Variants in MAN1C1 observed in about 807,000 individuals in gnomAD.
MAN1C1 encodes the protein mannosidase alpha class 1C member 1.
A neutral mutation model predicts 71.5 loss-of-function variants in MAN1C1; 49 were observed. That is an observed-to-expected ratio of 0.69 (90% CI 0.54 to 0.87). The LOEUF (loss-of-function observed/expected upper bound fraction) is 0.87. Ranked by LOEUF, MAN1C1 falls within the 40% of genes least tolerant of loss-of-function variation. MAN1C1 has a pLI of 0.00. For synonymous variants in MAN1C1, 352 were observed against 343.7 expected (o/e 1.02, Z -0.27); for missense variants, 743 against 835.0 (o/e 0.89, Z 1.36).
chr1:25,693,751 T>C (rs2046336327), intron 2 of MAN1C1, among the ~76,000 whole-genome samples: 1 of 152,210 alleles, frequency 6.6e-6, no homozygotes, highest in African/African-American at 2.4e-5. Context: ...GAGAGGAGAA[T>C]GGATTTGAGA....
At position 25,618,199 on chromosome 1, in the gene MAN1C1, CG is replaced by C; in HGVS notation, c.406del (p.Asp136ThrfsTer46). Reference protein sequence around the residue: ...RGNSIPASRPGDEGVPFRFDF... With the variant: ...RGNSIPASRPXDEGVPFRFDF... ...GCAATAGCATCCCGGCCTCCAGGCC[CG>C]GGGACGAGGGCGTCCCTTTCCGCTT... On this transcript the variant is annotated frameshift_variant, in exon 1 of 12. Coordinates refer to ENST00000374332, the MANE Select transcript of MAN1C1 (RefSeq NM_020379.4). LOFTEE classifies it high-confidence loss of function. 1 of 1,586,178 alleles carries C rather than the reference CG, an allele frequency of 6.3e-7. No homozygotes were observed.
At chr1:25,621,619 T>TTGTTTG (rs1410257513) in intron 1 of MAN1C1, among the ~76,000 whole-genome samples, 2 of 151,844 alleles carry the variant, frequency 1.3e-5, no homozygotes, top group Non-Finnish European at 2.9e-5. Context: ...GTTGTTTTTT[T>TTGTTTG]TGTTTGTGTT....
intron 2 of MAN1C1, 120 bp downstream of exon 2, chr1:25,686,656 T>G: frequency 2.6e-6 from 2 of 767,272 alleles, no homozygotes; most frequent in Middle Eastern, 2.9e-4. Context: ...GTTCTCCAGA[T>G]CTGGGGCCTT....
At chr1:25,756,484 G>A (rs1224214848) in intron 5 of MAN1C1, among the ~76,000 whole-genome samples, 2 of 152,198 alleles carry the variant, frequency 1.3e-5, no homozygotes, top group African/African-American at 2.4e-5. Context: ...ACAAAAGACT[G>A]TTGGAGGGCT....
At chr1:25,618,433 T>A in intron 1 of MAN1C1, 96 bp downstream of exon 1, 7 of 1,246,212 alleles carry the variant, frequency 5.6e-6, no homozygotes, top group South Asian at 2.8e-5. Flanking sequence ...CCTCAGTCAC[T>A]CCTGGTCCCA....
At chr1:25,668,139 A>G (rs986784459) in intron 1 of MAN1C1, among the ~76,000 whole-genome samples, 1 of 152,206 alleles carries the variant, frequency 6.6e-6, no homozygotes, top group African/African-American at 2.4e-5. Context: ...GAACAAAGAA[A>G]AGCCGAATGC....
intron 5 of MAN1C1, among the ~76,000 whole-genome samples, chr1:25,755,151 G>A (rs1373770955): frequency 2.0e-5 from 3 of 152,206 alleles, no homozygotes; most frequent in Admixed American, 2.0e-4. Flanking sequence ...TACTCGTCAG[G>A]GTGGGAAGGA....
At chr1:25,675,084 G>C (rs2046045638) in intron 1 of MAN1C1, among the ~76,000 whole-genome samples, 1 of 152,226 alleles carries the variant, frequency 6.6e-6, no homozygotes, top group South Asian at 2.1e-4. Flanking sequence ...TTGATTGATT[G>C]ATTCATTTTA....
At chr1:25,622,456 C>T (rs12089971) in intron 1 of MAN1C1, among the ~76,000 whole-genome samples, 25,738 of 152,140 alleles carry the variant, frequency 0.17, 5,466 homozygotes, top group African/African-American at 0.49. Flanking sequence ...ATTAAAGATC[C>T]ATAAACTAAC....
rs139853712 is a variant in MAN1C1, at chr1:25,694,715, G to A, written c.637+8179G>A. On this transcript the variant is annotated intron_variant, in intron 2 of 11. Transcript: ENST00000374332. ...GGTGGGTCTTTTTGTCGGGGTGAGA[G>A]TTACTCCACCAGTGTGGCTGCCTTG... 3.9e-4 allele frequency among the ~76,000 whole-genome samples: 60 copies of A among 152,312 alleles called. 2 individuals are homozygous for A. The East Asian group carries it at 0.011, about 29-fold the overall frequency.
intron 2 of MAN1C1, among the ~76,000 whole-genome samples, chr1:25,714,511 T>G (rs561094010): frequency 6.6e-6 from 1 of 152,292 alleles, no homozygotes; most frequent in Non-Finnish European, 1.5e-5. Flanking sequence ...GCATTGATTT[T>G]TGTAGCTGAA....
chr1:25,705,242 G>A (rs543486659), intron 2 of MAN1C1, among the ~76,000 whole-genome samples: 29 of 152,196 alleles, frequency 1.9e-4, no homozygotes, highest in Non-Finnish European at 3.5e-4. Context: ...CAGATGAACA[G>A]ATATAAATCT....
chr1:25,680,059 T>G (rs750512229), intron 1 of MAN1C1, among the ~76,000 whole-genome samples: 5 of 151,372 alleles, frequency 3.3e-5, no homozygotes, highest in Non-Finnish European at 5.9e-5. Context: ...AGTATAAATT[T>G]TAGTCATTTT....
chr1:25,630,240 T>G (rs758438762), intron 1 of MAN1C1, among the ~76,000 whole-genome samples: 3 of 152,190 alleles, frequency 2.0e-5, no homozygotes, highest in Non-Finnish European at 4.4e-5. Flanking sequence ...GGTTCTCTAT[T>G]CTTTTCCATG....
At chr1:25,644,493 G>C (rs2045582491) in intron 1 of MAN1C1, 6 of 119,106 alleles carry the variant, frequency 5.0e-5, no homozygotes, top group Admixed American at 4.4e-4. Flanking sequence ...AATGGTACCA[G>C]AGACATATAT....
chr1:25,740,913 C>T (rs1221476238), intron 2 of MAN1C1, among the ~76,000 whole-genome samples: 1 of 151,834 alleles, frequency 6.6e-6, no homozygotes, highest in East Asian at 1.9e-4. Context: ...GAGATGTGGG[C>T]AGTGTCTGGA....
chr1:25,750,735 C>T lies in MAN1C1; in HGVS notation c.834+1400C>T, dbSNP rs151025444. On this transcript the variant is annotated intron_variant, in intron 4 of 11. Coordinates refer to ENST00000374332, the MANE Select transcript of MAN1C1 (RefSeq NM_020379.4). The stretch of plus-strand genomic sequence containing the variant: ...TGGAAGCCCTCGGCTTTGAGCCACC[C>T]GGAGCCTGAATTTCATTTGAAAACT... Among the ~76,000 whole-genome samples the T allele has an allele frequency of 2.6e-3, 397 of 152,292 alleles. 1 individual carries two copies. Among genetic ancestry groups the T allele is most frequent in the African/African-American group, 9.1e-3 (377 of 41,556 alleles).
intron 2 of MAN1C1, among the ~76,000 whole-genome samples, chr1:25,722,280 C>T (rs1399552970): frequency 7.0e-6 from 1 of 142,406 alleles, no homozygotes; most frequent in Non-Finnish European, 1.6e-5. Flanking sequence ...ATTCATTGTG[C>T]TGGGAAATTA....
chr1:25,641,017 G>A (rs1308765925), intron 1 of MAN1C1, among the ~76,000 whole-genome samples: 2 of 152,160 alleles, frequency 1.3e-5, no homozygotes, highest in African/African-American at 2.4e-5. Flanking sequence ...GTGAGCTCTG[G>A]AACTCGAAGT....
Sources: allele counts gnomAD v4.1 joint callset (sites outside exome capture counted in the v4.1 genomes callset), GRCh38; gene constraint gnomAD v4.1.1; transcripts MANE v1.5; gene names NCBI Gene and HGNC (gene_info 2026-07-23, HGNC 2026-07-21).